Variants in PCM1 observed in about 807,000 individuals in gnomAD.
The protein encoded by PCM1 is pericentriolar material 1.
In PCM1, 157 loss-of-function variants were observed where a neutral mutation model predicts 241.9. The ratio of observed to expected loss-of-function variants is 0.65; its 90% CI spans 0.57 to 0.74. The LOEUF (loss-of-function observed/expected upper bound fraction) is 0.74. PCM1 is among the 30% of genes least tolerant of loss of function. The pLI, the probability that PCM1 is intolerant of heterozygous loss-of-function variation, is 0.00. For synonymous variants in PCM1, 1,085 were observed against 784.9 expected (o/e 1.38, Z -6.39); for missense variants, 3,478 against 2,360.1 (o/e 1.47, Z -9.81).
chr8:18,011,687 C>G lies in PCM1; in HGVS notation c.5371C>G (p.Gln1791Glu). ...VSINLSKAET[Q>E]ALTNYGSGED... is the part of the protein sequence containing the mutation. ...CTTAGATTTGTCTAAAGCTGAAACT[C>G]AGGCTTTAACTAATTATGGAAGTGG... The change falls in exon 34 of 39, where the codon CAG (glutamine) becomes GAG (glutamate). Residue 1791 changes from glutamine to glutamate, a missense_variant. Transcript: ENST00000325083. The G allele has an allele frequency of 3.7e-6, 6 of 1,609,752 alleles. No individual in the cohort carries two copies. The highest frequency in any genetic ancestry group is 5.1e-6 in the Non-Finnish European group (6 of 1,178,090).
chr8:17,933,032 G>GA (rs569857410), intron 2 of PCM1, among the ~76,000 whole-genome samples: 143 of 152,198 alleles, frequency 9.4e-4, no homozygotes, highest in African/African-American at 3.3e-3. Flanking sequence ...TTGAGGTGAA[G>GA]AATACCACTT....
chr8:17,949,605 C>A (rs2065231784), intron 7 of PCM1, among the ~76,000 whole-genome samples: 1 of 150,706 alleles, frequency 6.6e-6, no homozygotes, highest in Admixed American at 6.6e-5. Flanking sequence ...TCAAGTGATT[C>A]TCTCACCCCA....
Position 17,955,766 on chromosome 8 carries a change from C to A in PCM1, c.1472+113C>A. On this transcript the variant is annotated intron_variant, in intron 10 of 38. Transcript: ENST00000325083. The stretch of plus-strand genomic sequence containing the variant: ...GAGATTTATTTAATATTGTTGTAAA[C>A]ATTCTTAAGGGATAGGTAGAAGAGG... The A allele has an allele frequency of 3.6e-6, 3 of 828,124 alleles. No homozygotes were observed. In the South Asian group the frequency reaches 4.6e-5, roughly 13 times the overall value. The allele number at this position is 828,124 out of a possible 1,614,324, so 51.3% of individuals were successfully genotyped here. A position where few individuals can be genotyped will look rare whatever the true frequency, so the allele number is the denominator to read the frequency against.
chr8:17,937,352 G>C lies in PCM1; in HGVS notation c.315G>C (p.Gln105His), dbSNP rs376869081. 3.1e-6 allele frequency: 5 copies of C among 1,602,382 alleles called. No individual in the cohort carries two copies. In the African/African-American group the frequency reaches 5.4e-5, roughly 17 times the overall value. Residue 105 changes from glutamine (Q) to histidine (H), a missense_variant, in exon 4 of 39, where the codon CAG (glutamine) becomes CAC (histidine). Gln to His is a conservative substitution (Grantham distance 24). Transcript: ENST00000325083. Reference sequence around the variant, plus strand: ...AGGCAGAATTAGAGAAACTGAAACAGCGGATAAACTTCAGTGATTTAGATC... The same window carrying C: ...AGGCAGAATTAGAGAAACTGAAACACCGGATAAACTTCAGTGATTTAGATC... Reference protein sequence around the residue: ...PEQAELEKLKQRINFSDLDQR... With the variant: ...PEQAELEKLKHRINFSDLDQR...
chr8:18,021,509 G>A (rs1489504763), intron 36 of PCM1, among the ~76,000 whole-genome samples: 2 of 152,176 alleles, frequency 1.3e-5, no homozygotes, highest in Admixed American at 6.5e-5. Context: ...AAAGGCTGAT[G>A]CCACAACAGT....
chr8:17,949,103 T>G (rs1373519315), intron 7 of PCM1, among the ~76,000 whole-genome samples: 1 of 152,210 alleles, frequency 6.6e-6, no homozygotes, highest in Non-Finnish European at 1.5e-5. Flanking sequence ...AATACTATTA[T>G]GAGTCAGAGA....
chr8:18,016,529 C>G (rs2093223759), intron 36 of PCM1, among the ~76,000 whole-genome samples: 1 of 152,146 alleles, frequency 6.6e-6, no homozygotes, highest in African/African-American at 2.4e-5. Context: ...GCCTTAGAAA[C>G]AATGGGAAGC....
rs17692306 is a variant in PCM1 at position 18,028,353 on chromosome 8, A to G, written c.*691A>G. 0.093 allele frequency: 17,737 copies of G among 191,434 alleles called. 1,293 individuals carry two copies. The highest frequency in any genetic ancestry group is 0.33 in the East Asian group (3,925 of 11,992). 11.9% of individuals were successfully genotyped at this position (191,434 alleles called of 1,614,324 possible). A position where few individuals can be genotyped will look rare whatever the true frequency, so the allele number is the denominator to read the frequency against. ...GTTAGGATTTGAAATTCTGGAAAATATTTATCTACATCGCCTCAGACTAAA... is the reference window on the plus strand; with the variant it reads ...GTTAGGATTTGAAATTCTGGAAAATGTTTATCTACATCGCCTCAGACTAAA... On this transcript the variant is annotated 3_prime_UTR_variant, in exon 39 of 39. Coordinates refer to ENST00000325083, the MANE Select transcript of PCM1 (RefSeq NM_006197.4).
At chr8:17,958,866 T>A (rs973465414) in intron 13 of PCM1, among the ~76,000 whole-genome samples, 1 of 152,084 alleles carries the variant, frequency 6.6e-6, no homozygotes, top group Non-Finnish European at 1.5e-5. Flanking sequence ...GAATTACAGA[T>A]GTGTACCACC....
At chr8:17,939,956 A>C in intron 6 of PCM1, 95 bp downstream of exon 6, 2 of 1,155,222 alleles carry the variant, frequency 1.7e-6, no homozygotes, top group Non-Finnish European at 2.5e-6. Flanking sequence ...AGGAGTTAAC[A>C]TATTTTCAAA....
At chr8:17,934,065 A>C (rs188251158) in intron 2 of PCM1, among the ~76,000 whole-genome samples, 6 of 152,164 alleles carry the variant, frequency 3.9e-5, no homozygotes, top group African/African-American at 1.4e-4. Flanking sequence ...TTTGAGATAA[A>C]ATTTAATTTG....
intron 18 of PCM1, among the ~76,000 whole-genome samples, chr8:17,965,715 A>G (rs1376587675): frequency 2.0e-5 from 3 of 152,234 alleles, no homozygotes; most frequent in Admixed American, 6.5e-5. Context: ...AGAATGGAAA[A>G]CTACTTGTGA....
chr8:17,923,584 C>G (rs1489963913), intron 1 of PCM1, among the ~76,000 whole-genome samples: 3 of 151,936 alleles, frequency 2.0e-5, no homozygotes, highest in Non-Finnish European at 4.4e-5. Flanking sequence ...CTTAGAGAAA[C>G]AGGCCTTGGT....
intron 36 of PCM1, among the ~76,000 whole-genome samples, chr8:18,022,250 A>AACTT (rs2129488194): frequency 6.6e-6 from 1 of 152,278 alleles, no homozygotes; most frequent in African/African-American, 2.4e-5. Flanking sequence ...TGAAGTAAAC[A>AACTT]ACTTACCACC....
At chr8:17,932,295 A>T (rs1196251190) in intron 2 of PCM1, among the ~76,000 whole-genome samples, 5 of 152,150 alleles carry the variant, frequency 3.3e-5, no homozygotes, top group Non-Finnish European at 7.4e-5. Context: ...TAGATTGCAT[A>T]TAGAGAGGTA....
intron 29 of PCM1, among the ~76,000 whole-genome samples, chr8:17,994,788 T>C (rs547460255): frequency 1.4e-5 from 2 of 147,438 alleles, no homozygotes; most frequent in South Asian, 2.1e-4. Context: ...TCCGTGATCA[T>C]GTTGAGCACC....
At chr8:17,942,540 C>G (rs111822032) in intron 6 of PCM1, among the ~76,000 whole-genome samples, 2 of 151,680 alleles carry the variant, frequency 1.3e-5, no homozygotes, top group African/African-American at 4.8e-5. Context: ...TTTTGGAAAC[C>G]CCTTTCATTT....
At position 17,938,995 on chromosome 8, in the gene PCM1, A is replaced by C; in HGVS notation, c.598A>C (p.Met200Leu). The C allele has an allele frequency of 1.9e-6, 3 of 1,613,656 alleles. No homozygotes were observed. The highest frequency in any genetic ancestry group is 8.5e-7 in the Non-Finnish European group (1 of 1,179,588). The stretch of plus-strand genomic sequence containing the variant: ...AGAAGATGGGAGGGGAGAACCTGCA[A>C]TGGAGAGCAGCCAGGTGATAACGTT... Reference protein sequence around the residue: ...SEEDGRGEPAMESSQIVSRLV... With the variant: ...SEEDGRGEPALESSQIVSRLV... Residue 200 changes from methionine to leucine, a missense_variant, in exon 5 of 39, where the codon ATG becomes CTG. Transcript: ENST00000325083.
chr8:17,998,036 A>G (rs974907256), intron 29 of PCM1, among the ~76,000 whole-genome samples: 1 of 128,444 alleles, frequency 7.8e-6, no homozygotes, highest in African/African-American at 3.6e-5. Context: ...GCTCCGTCTG[A>G]AAAAAAAAAA....
Sources: allele counts gnomAD v4.1 joint callset (sites outside exome capture counted in the v4.1 genomes callset), GRCh38; gene constraint gnomAD v4.1.1; transcripts MANE v1.5; gene names NCBI Gene and HGNC (gene_info 2026-07-23, HGNC 2026-07-21).